ENAH: variants seen among roughly 807,000 people sequenced by gnomAD.
ENAH encodes protein enabled homolog.
ENAH carries 23 observed loss-of-function variants against 78.7 expected under a neutral mutation model. The ratio of observed to expected loss-of-function variants is 0.29; its 90% CI spans 0.21 to 0.41. The LOEUF (loss-of-function observed/expected upper bound fraction) is 0.41, where lower values mean the gene tolerates loss of function less well. Among genes scored for constraint, ENAH ranks in the 10% least tolerant of loss-of-function variants. The probability of loss-of-function intolerance (pLI) is 1.00; values close to 1 mark genes in which losing one functional copy is unlikely to be tolerated. For synonymous variants in ENAH, 226 were observed against 241.0 expected (o/e 0.94, Z 0.58); for missense variants, 544 against 691.0 (o/e 0.79, Z 2.39).
At chr1:225,564,210 G>GT (rs2096723093) in intron 2 of ENAH, among the ~76,000 whole-genome samples, 1 of 151,894 alleles carries the variant, frequency 6.6e-6, no homozygotes, top group Non-Finnish European at 1.5e-5. Flanking sequence ...CACCTTCCAG[G>GT]TTTAAGTGAT....
chr1:225,518,817 G>A (rs1218261222), intron 5 of ENAH, among the ~76,000 whole-genome samples: 2 of 152,128 alleles, frequency 1.3e-5, no homozygotes, highest in Non-Finnish European at 2.9e-5. Flanking sequence ...ATTTCTTGCT[G>A]AATGGTACTA....
At chr1:225,502,274 C>A (rs925041229) in intron 11 of ENAH, among the ~76,000 whole-genome samples, 3 of 152,070 alleles carry the variant, frequency 2.0e-5, no homozygotes, top group African/African-American at 7.2e-5. Flanking sequence ...TGCAGTGGTG[C>A]GATCTTGGCT....
chr1:225,601,151 T>G (rs936808427), intron 1 of ENAH, among the ~76,000 whole-genome samples: 15 of 152,128 alleles, frequency 9.9e-5, no homozygotes, highest in Non-Finnish European at 1.8e-4. Flanking sequence ...CTTAATCAAC[T>G]CTGTTCAGAC....
chr1:225,554,733 C>T (rs1291384138), intron 3 of ENAH, among the ~76,000 whole-genome samples, 173 bp downstream of exon 3: 3 of 152,150 alleles, frequency 2.0e-5, no homozygotes, highest in Non-Finnish European at 4.4e-5. Context: ...GTTCACATTT[C>T]TATAGAAAAT....
chr1:225,637,737 T>TA (rs1430081518), intron 1 of ENAH, among the ~76,000 whole-genome samples: 1 of 152,222 alleles, frequency 6.6e-6, no homozygotes, highest in East Asian at 1.9e-4. Flanking sequence ...TCAGAGTGCC[T>TA]AAAAAACAGA....
chr1:225,644,866 A>G (rs772070361), intron 1 of ENAH, among the ~76,000 whole-genome samples: 1 of 152,204 alleles, frequency 6.6e-6, no homozygotes, highest in Non-Finnish European at 1.5e-5. Flanking sequence ...GGTATTTGAG[A>G]CTACTGTAAA....
chr1:225,598,480 A>C (rs1366500729), intron 1 of ENAH, among the ~76,000 whole-genome samples: 2 of 152,116 alleles, frequency 1.3e-5, no homozygotes, highest in African/African-American at 4.8e-5. Context: ...GACCTCACCC[A>C]AGAACACAGA....
At chr1:225,529,012 C>T (rs1229355602) in intron 4 of ENAH, among the ~76,000 whole-genome samples, 1 of 152,072 alleles carries the variant, frequency 6.6e-6, no homozygotes, top group Non-Finnish European at 1.5e-5. Flanking sequence ...TATCTCCTGC[C>T]TAGTTCACTG....
chr1:225,548,548 C>T (rs1214800660), intron 3 of ENAH, among the ~76,000 whole-genome samples: 4 of 152,224 alleles, frequency 2.6e-5, no homozygotes, highest in African/African-American at 9.6e-5. Context: ...AGATCTTGAA[C>T]TGAAGGCCAG....
intron 1 of ENAH, among the ~76,000 whole-genome samples, chr1:225,645,347 G>A (rs1450313320): frequency 2.6e-5 from 4 of 152,052 alleles, no homozygotes; most frequent in Non-Finnish European, 4.4e-5. Context: ...TTCCATCTAC[G>A]CTGTGGCATG....
intron 1 of ENAH, among the ~76,000 whole-genome samples, chr1:225,587,913 G>A (rs2096855373): frequency 6.6e-6 from 1 of 151,940 alleles, no homozygotes; most frequent in African/African-American, 2.4e-5. Flanking sequence ...AGTGGTGCTG[G>A]AACAACTGGA....
Position 225,489,263 on chromosome 1 carries a change from G to A in ENAH, c.*8512C>T, listed in dbSNP as rs1202534714. Reference sequence around the variant, plus strand: ...ATGATTGGAATCAGTCTTTCTGAACGGCAGAATGTGCTTCCAGGTTGAAGC... The same window carrying A: ...ATGATTGGAATCAGTCTTTCTGAACAGCAGAATGTGCTTCCAGGTTGAAGC... On this transcript the variant is annotated 3_prime_UTR_variant, in exon 14 of 14. Coordinates refer to ENST00000366843, the MANE Select transcript of ENAH (RefSeq NM_018212.6). 2.6e-5 allele frequency: 4 copies of A among 152,064 alleles called. No individual in the cohort carries two copies. Among genetic ancestry groups the A allele is most frequent in the East Asian group, 1.9e-4 (1 of 5,180 alleles). The allele number at this position is 152,064 out of a possible 1,614,324, so 9.4% of individuals were successfully genotyped here. A position where few individuals can be genotyped will look rare whatever the true frequency, so the allele number is the denominator to read the frequency against.
At chr1:225,600,709 A>T (rs1205947041) in intron 1 of ENAH, among the ~76,000 whole-genome samples, 1 of 152,098 alleles carries the variant, frequency 6.6e-6, no homozygotes, top group Non-Finnish European at 1.5e-5. Flanking sequence ...AAATTAAAAA[A>T]TTAGCCAGGC....
intron 11 of ENAH, among the ~76,000 whole-genome samples, chr1:225,502,168 G>A (rs960998543): frequency 4.6e-5 from 7 of 152,118 alleles, no homozygotes; most frequent in African/African-American, 1.7e-4. Context: ...CCATAGGCAT[G>A]GTTCCTGAAG....
chr1:225,555,524 G>C (rs1486048277), intron 2 of ENAH, among the ~76,000 whole-genome samples: 1 of 151,910 alleles, frequency 6.6e-6, no homozygotes, highest in African/African-American at 2.4e-5. Flanking sequence ...AGAGTTAGCA[G>C]GGAGCCAAGA....
intron 3 of ENAH, among the ~76,000 whole-genome samples, chr1:225,540,408 A>G (rs1178513001): frequency 5.3e-5 from 8 of 152,220 alleles, no homozygotes; most frequent in Non-Finnish European, 1.2e-4. Flanking sequence ...AGACTTTCAA[A>G]GACCATGTCT....
chr1:225,590,512 C>A (rs943086139), intron 1 of ENAH, among the ~76,000 whole-genome samples: 8 of 152,086 alleles, frequency 5.3e-5, no homozygotes, highest in African/African-American at 1.9e-4. Flanking sequence ...CTCTCCTGAG[C>A]AACAAACTCA....
intron 1 of ENAH, among the ~76,000 whole-genome samples, chr1:225,633,096 G>A (rs1659407806): frequency 1.3e-5 from 2 of 150,436 alleles, no homozygotes; most frequent in African/African-American, 4.9e-5. Context: ...AGGCTGAAGT[G>A]CAGTGGCGCA....
intron 2 of ENAH, among the ~76,000 whole-genome samples, chr1:225,555,949 T>C (rs2096664384): frequency 1.3e-5 from 2 of 152,342 alleles, no homozygotes; most frequent in South Asian, 4.1e-4. Context: ...TGTAGGTTTT[T>C]GGATTTTATA....
Sources: allele counts gnomAD v4.1 joint callset (sites outside exome capture counted in the v4.1 genomes callset), GRCh38; gene constraint gnomAD v4.1.1; transcripts MANE v1.5; gene names NCBI Gene and HGNC (gene_info 2026-07-23, HGNC 2026-07-21).